The following MCTP2 variants were observed in gnomAD, a reference collection of about 807,000 sequenced individuals.
MCTP2 encodes multiple C2 and transmembrane domain-containing protein 2.
MCTP2 carries 132 observed loss-of-function variants against 111.6 expected under a neutral mutation model. The observed-to-expected ratio is 1.18, with a 90% CI of 1.03 to 1.37. MCTP2 has a LOEUF of 1.37. Ranked by LOEUF, MCTP2 falls within the 40% of genes most tolerant of loss-of-function variation. The probability of loss-of-function intolerance (pLI) is 0.00; values close to 1 mark genes in which losing one functional copy is unlikely to be tolerated. For synonymous variants in MCTP2, 395 were observed against 387.7 expected (o/e 1.02, Z -0.22); for missense variants, 1,183 against 1,067.9 (o/e 1.11, Z -1.50).
intron 14 of MCTP2, among the ~76,000 whole-genome samples, chr15:94,390,096 A>ATATATATATG (rs1567603000): frequency 6.7e-4 from 9 of 13,422 alleles, no homozygotes; most frequent in African/African-American, 1.4e-3. Flanking sequence ...ATATGTATAT[A>ATATATATATG]TATATATATA....
At chr15:94,398,511 A>G (rs965863637) in intron 14 of MCTP2, among the ~76,000 whole-genome samples, 2 of 152,174 alleles carry the variant, frequency 1.3e-5, no homozygotes, top group Admixed American at 6.6e-5. Flanking sequence ...TTTTGCACCA[A>G]TATCTTTTTT....
At chr15:94,451,861 G>C (rs2084482228) in intron 19 of MCTP2, among the ~76,000 whole-genome samples, 1 of 152,166 alleles carries the variant, frequency 6.6e-6, no homozygotes, top group Non-Finnish European at 1.5e-5. Flanking sequence ...CTTTAAACTA[G>C]ACAAAAGGTT....
In MCTP2 at chr15:94,392,540, T is replaced by C. The variant is rs151270284; in HGVS notation, c.1789-6421T>C. On this transcript the variant is annotated intron_variant, in intron 14 of 22. Transcript: ENST00000357742. ...TTTAAAAAATCAGAAACAGGCTGGG[T>C]GTGGTGGCTCACACCTGTAATCCCA... is the stretch of plus-strand genomic sequence containing the variant. 3.7e-3 allele frequency among the ~76,000 whole-genome samples: 560 copies of C among 151,438 alleles called. 1 individual carries two copies. The highest frequency in any genetic ancestry group is 0.012 in the African/African-American group (492 of 41,312).
intron 1 of MCTP2, among the ~76,000 whole-genome samples, chr15:94,292,385 C>T (rs912029913): frequency 5.0e-4 from 76 of 151,876 alleles, no homozygotes; most frequent in African/African-American, 1.8e-3. Context: ...ATGAAGAAGA[C>T]CTAAAGGAAT....
At chr15:94,307,214 CTATAGA>C (rs2075925208) in intron 2 of MCTP2, among the ~76,000 whole-genome samples, 1 of 152,070 alleles carries the variant, frequency 6.6e-6, no homozygotes, top group Non-Finnish European at 1.5e-5. Context: ...AGGTGGCAAG[CTATAGA>C]TATAATCAGA....
intron 17 of MCTP2, among the ~76,000 whole-genome samples, chr15:94,435,649 T>TTTTTTTTTTTTTTTTTTAGG: frequency 7.3e-6 from 1 of 137,666 alleles, no homozygotes; most frequent in Non-Finnish European, 1.6e-5. Flanking sequence ...TTTTTTTTTT[T>TTTTTTTTTTTTTTTTTTAGG]GAGACGGAGT....
intron 17 of MCTP2, among the ~76,000 whole-genome samples, chr15:94,437,203 A>G (rs902023518): frequency 6.6e-6 from 1 of 151,150 alleles, no homozygotes; most frequent in African/African-American, 2.4e-5. Flanking sequence ...GGAGGAACGT[A>G]ACATATAGAA....
intron 4 of MCTP2, among the ~76,000 whole-genome samples, chr15:94,330,707 A>T (rs771091644): frequency 1.4e-4 from 21 of 150,946 alleles, no homozygotes; most frequent in Non-Finnish European, 2.5e-4. Flanking sequence ...GGTGACCAAG[A>T]ATAGAGATGC....
Position 94,384,014 on chromosome 15 carries a change from C to T in MCTP2, c.1583-8C>T. On this transcript the variant is annotated splice_region_variant and splice_polypyrimidine_tract_variant and intron_variant, in intron 12 of 22. Coordinates refer to ENST00000357742, the MANE Select transcript of MCTP2 (RefSeq NM_001385001.1). ...TGTCTTTGACCGATGTGTATGTTAT[C>T]TTTCCAGGGAAGAGTGACCCATTTT... 1.9e-6 allele frequency: 3 copies of T among 1,597,528 alleles called. No homozygotes were observed. The highest frequency in any genetic ancestry group is 2.6e-6 in the Non-Finnish European group (3 of 1,165,054).
At chr15:94,465,764 C>T (rs541427872) in intron 20 of MCTP2, among the ~76,000 whole-genome samples, 59 of 152,162 alleles carry the variant, frequency 3.9e-4, no homozygotes, top group Middle Eastern at 3.4e-3. Flanking sequence ...TTGCTTGTTC[C>T]GTGTCTTTTT....
rs1485195999 is a variant in MCTP2, at chr15:94,481,377, T to G, written c.*2343T>G. 1.3e-5 allele frequency: 2 copies of G among 152,352 alleles called. No individual in the cohort carries two copies. Among genetic ancestry groups the G allele is most frequent in the Non-Finnish European group, 2.9e-5 (2 of 68,156 alleles). The allele number at this position is 152,352 out of a possible 1,614,324, so 9.4% of individuals were successfully genotyped here. A position where few individuals can be genotyped will look rare whatever the true frequency, so the allele number is the denominator to read the frequency against. On this transcript the variant is annotated 3_prime_UTR_variant, in exon 23 of 23. Coordinates refer to ENST00000357742, the MANE Select transcript of MCTP2 (RefSeq NM_001385001.1). ...TGGAATTTCTCGGTCATCCTCTTTTTTTTTGTTCCTCGTGCTGTTGTCCTC... is the reference window on the plus strand; with the variant it reads ...TGGAATTTCTCGGTCATCCTCTTTTGTTTTGTTCCTCGTGCTGTTGTCCTC...
intron 4 of MCTP2, among the ~76,000 whole-genome samples, chr15:94,317,798 T>C (rs779687316): frequency 5.3e-5 from 8 of 152,172 alleles, no homozygotes; most frequent in Non-Finnish European, 7.3e-5. Context: ...TTCTTAAAAT[T>C]TCTCTCTCTC....
intron 1 of MCTP2, among the ~76,000 whole-genome samples, chr15:94,291,874 T>A (rs1410060153): frequency 1.3e-5 from 2 of 152,202 alleles, no homozygotes. Flanking sequence ...ATATGGTATC[T>A]GCCACAACTA....
intron 20 of MCTP2, among the ~76,000 whole-genome samples, chr15:94,467,779 ATGATAACAT>A: frequency 6.6e-6 from 1 of 152,214 alleles, no homozygotes; most frequent in Non-Finnish European, 1.5e-5. Flanking sequence ...TGGAGTTCAG[ATGATAACAT>A]TTCAACGCAT....
chr15:94,367,399 C>A (rs1057002877), intron 10 of MCTP2, among the ~76,000 whole-genome samples: 4 of 152,104 alleles, frequency 2.6e-5, no homozygotes, highest in African/African-American at 9.7e-5. Context: ...TTTTGATTTT[C>A]TGGACCTCTT....
At chr15:94,306,883 T>C (rs1390930711) in intron 2 of MCTP2, among the ~76,000 whole-genome samples, 1 of 151,866 alleles carries the variant, frequency 6.6e-6, no homozygotes, top group Non-Finnish European at 1.5e-5. Flanking sequence ...AGAAGTAGAG[T>C]GAGAAACCAC....
intron 1 of MCTP2, among the ~76,000 whole-genome samples, chr15:94,272,886 A>G (rs757067862): frequency 1.9e-4 from 29 of 152,118 alleles, no homozygotes; most frequent in Admixed American, 4.6e-4. Flanking sequence ...CATGCCTCCA[A>G]TTGTCATCTG....
rs1030261352 is a variant in MCTP2, at chr15:94,412,297, T to A, written c.2085+10278T>A. ...CAGGATCCTTGGACTCTGCTTTTTT[T>A]TTTTTTAGGTACATTTTCCCTCAGG... On this transcript the variant is annotated intron_variant, in intron 17 of 22. Coordinates refer to ENST00000357742, the MANE Select transcript of MCTP2 (RefSeq NM_001385001.1). 3.4e-4 allele frequency among the ~76,000 whole-genome samples: 51 copies of A among 152,196 alleles called. 1 individual carries two copies. The highest frequency in any genetic ancestry group is 1.2e-3 in the African/African-American group (48 of 41,444).
chr15:94,360,259 T>C (rs781205496), intron 10 of MCTP2, among the ~76,000 whole-genome samples: 1 of 152,168 alleles, frequency 6.6e-6, no homozygotes, highest in Non-Finnish European at 1.5e-5. Flanking sequence ...CCAGCCAGGT[T>C]TGCATTTAGG....
Sources: allele counts gnomAD v4.1 joint callset (sites outside exome capture counted in the v4.1 genomes callset), GRCh38; gene constraint gnomAD v4.1.1; transcripts MANE v1.5; gene names NCBI Gene and HGNC (gene_info 2026-07-23, HGNC 2026-07-21).